Variants in DPYD observed in about 807,000 individuals in gnomAD.
DPYD encodes the protein dihydropyrimidine dehydrogenase [NADP(+)].
Under a neutral mutation model 116.2 loss-of-function variants are expected in DPYD, and 109 were observed. The ratio of observed to expected loss-of-function variants is 0.94; its 90% CI spans 0.80 to 1.10. The LOEUF is 1.10. Ranked by LOEUF, DPYD falls within the 50% of genes least tolerant of loss-of-function variation. DPYD has a pLI of 0.00. For missense variants in DPYD, 1,302 were observed against 1,254.5 expected, an observed-to-expected ratio of 1.04 and a Z score of -0.57; for synonymous variants, 440 against 432.0, an observed-to-expected ratio of 1.02 and a Z score of -0.23.
chr1:97,338,643 A>G (rs1232697148), intron 16 of DPYD, among the ~76,000 whole-genome samples: 1 of 152,106 alleles, frequency 6.6e-6, no homozygotes, highest in Non-Finnish European at 1.5e-5. Context: ...TTTTAGAAGG[A>G]ACTTTGTCCC....
At chr1:97,584,083 C>A (rs924668948) in intron 10 of DPYD, among the ~76,000 whole-genome samples, 9 of 152,186 alleles carry the variant, frequency 5.9e-5, no homozygotes, top group Admixed American at 3.3e-4. Flanking sequence ...CCTGTGGTTT[C>A]CTGACTTTTA....
chr1:97,797,283 C>T (rs569304547), intron 3 of DPYD: 2 of 152,058 alleles, frequency 1.3e-5, no homozygotes, highest in East Asian at 1.9e-4. Flanking sequence ...GCTGACAGCT[C>T]GGCAACCCTG....
intron 8 of DPYD, among the ~76,000 whole-genome samples, chr1:97,625,437 T>C (rs1444222564): frequency 1.3e-5 from 2 of 151,966 alleles, no homozygotes; most frequent in Non-Finnish European, 2.9e-5. Context: ...AGAATGACTA[T>C]AGATGATATA....
rs187659020 is a variant in DPYD, at chr1:97,477,853, C to A, written c.1741-27630G>T. Reference sequence around the variant, plus strand: ...GCCAGGATGGTCTCGATCTCCTGACCTCGTGATCCACCCGCCTCGGCCTCC... The same window carrying A: ...GCCAGGATGGTCTCGATCTCCTGACATCGTGATCCACCCGCCTCGGCCTCC... On this transcript the variant is annotated intron_variant, in intron 13 of 22. Coordinates refer to ENST00000370192, the MANE Select transcript of DPYD (RefSeq NM_000110.4). Among the ~76,000 whole-genome samples the A allele has an allele frequency of 2.8e-3, 427 of 152,098 alleles. 6 individuals are homozygous for A. The highest frequency in any genetic ancestry group is 9.6e-3 in the African/African-American group (400 of 41,482).
At chr1:97,158,306 C>A (rs2101737060) in intron 20 of DPYD, among the ~76,000 whole-genome samples, 1 of 152,020 alleles carries the variant, frequency 6.6e-6, no homozygotes, top group South Asian at 2.1e-4. Flanking sequence ...ACATTTAAGT[C>A]TTCAAATTTT....
intron 16 of DPYD, among the ~76,000 whole-genome samples, chr1:97,314,830 C>T (rs1459878877): frequency 1.3e-5 from 2 of 151,920 alleles, no homozygotes; most frequent in Non-Finnish European, 2.9e-5. Context: ...AGGTACCTGC[C>T]CAAATAAACA....
chr1:97,581,218 T>G (rs992079655), intron 10 of DPYD, among the ~76,000 whole-genome samples: 3 of 149,398 alleles, frequency 2.0e-5, no homozygotes, highest in Non-Finnish European at 3.0e-5. Flanking sequence ...TCCCAGCTAC[T>G]CAGGATGCTG....
intron 3 of DPYD, among the ~76,000 whole-genome samples, chr1:97,817,264 C>A (rs1348229600): frequency 6.6e-6 from 1 of 151,982 alleles, no homozygotes; most frequent in African/African-American, 2.4e-5. Context: ...TACTTCTACT[C>A]GATTTTCAAA....
chr1:97,893,822 T>C (rs574189181), intron 1 of DPYD, among the ~76,000 whole-genome samples: 29 of 151,758 alleles, frequency 1.9e-4, no homozygotes, highest in Non-Finnish European at 3.0e-4. Context: ...TGACTCTCCT[T>C]CACTTCTAAA....
intron 18 of DPYD, among the ~76,000 whole-genome samples, chr1:97,303,700 G>A (rs575505055): frequency 6.6e-4 from 101 of 152,138 alleles, no homozygotes; most frequent in African/African-American, 2.4e-3. Flanking sequence ...ATTGTTTAAT[G>A]TGAAGAAACT....
chr1:97,645,354 T>C (rs145213573), intron 8 of DPYD, among the ~76,000 whole-genome samples: 3 of 152,270 alleles, frequency 2.0e-5, no homozygotes, highest in African/African-American at 7.2e-5. Flanking sequence ...TCTTTTATTA[T>C]GTGTGAAGTT....
chr1:97,615,905 GT>G (rs1656239197), intron 8 of DPYD, among the ~76,000 whole-genome samples: 1 of 152,038 alleles, frequency 6.6e-6, no homozygotes, highest in East Asian at 1.9e-4. Flanking sequence ...TTACCCCTGA[GT>G]TAAGATTCCC....
intron 1 of DPYD, among the ~76,000 whole-genome samples, chr1:97,896,623 T>C (rs1300952258): frequency 6.6e-6 from 1 of 151,888 alleles, no homozygotes; most frequent in African/African-American, 2.4e-5. Context: ...TACAAAGCTG[T>C]GCAACCATCA....
intron 3 of DPYD, among the ~76,000 whole-genome samples, chr1:97,744,856 T>C (rs1332517028): frequency 1.3e-5 from 2 of 151,968 alleles, no homozygotes. Context: ...GAAATGTGAA[T>C]AAAGAAATCA....
chr1:97,259,748 G>C (rs1163287274), intron 18 of DPYD, among the ~76,000 whole-genome samples: 1 of 152,100 alleles, frequency 6.6e-6, no homozygotes, highest in Non-Finnish European at 1.5e-5. Context: ...CACAAATTTT[G>C]ATTACATACA....
intron 13 of DPYD, among the ~76,000 whole-genome samples, chr1:97,470,226 T>C (rs143966823): frequency 0.017 from 2,588 of 152,294 alleles, 38 homozygotes; most frequent in Non-Finnish European, 0.026. Context: ...TTTCACATAC[T>C]GATTCTTTTA....
At chr1:97,511,918 T>C (rs959509239) in intron 13 of DPYD, among the ~76,000 whole-genome samples, 2 of 151,922 alleles carry the variant, frequency 1.3e-5, no homozygotes, top group Non-Finnish European at 2.9e-5. Flanking sequence ...CATTCAGAAA[T>C]TTCACTGACA....
intron 14 of DPYD, among the ~76,000 whole-genome samples, chr1:97,440,708 T>C (rs1031054721): frequency 1.3e-5 from 2 of 152,210 alleles, no homozygotes; most frequent in African/African-American, 4.8e-5. Context: ...CATATTATCT[T>C]ATTTTTTGTT....
intron 20 of DPYD, among the ~76,000 whole-genome samples, chr1:97,166,143 A>G (rs1656309136): frequency 6.6e-6 from 1 of 152,220 alleles, no homozygotes; most frequent in Non-Finnish European, 1.5e-5. Flanking sequence ...AGGTATGTTC[A>G]TTACAACACT....
Sources: gnomAD v4.1 joint callset for allele counts (sites outside exome capture counted in the v4.1 genomes callset) on GRCh38, gnomAD v4.1.1 for gene constraint, MANE v1.5 for transcripts, NCBI Gene and HGNC (gene_info 2026-07-23, HGNC 2026-07-21) for gene names.